Variants in ADAM12 observed in about 807,000 individuals in gnomAD.
ADAM12 encodes ADAM metallopeptidase domain 12, also known as disintegrin and metalloproteinase domain-containing protein 12.
Under a neutral mutation model 106.4 loss-of-function variants are expected in ADAM12, and 70 were observed. The ratio of observed to expected loss-of-function variants is 0.66; its 90% CI spans 0.54 to 0.80. ADAM12 has a LOEUF of 0.80. ADAM12 is among the 30% of genes least tolerant of loss of function. ADAM12 has a pLI of 0.00. For missense variants in ADAM12, 1,010 were observed against 1,171.9 expected (o/e 0.86, Z 2.02); for synonymous variants, 420 against 433.5 (o/e 0.97, Z 0.39).
chr10:126,358,186 A>AG (rs1198601376), intron 1 of ADAM12, among the ~76,000 whole-genome samples: 1 of 151,768 alleles, frequency 6.6e-6, no homozygotes, highest in Non-Finnish European at 1.5e-5. Flanking sequence ...CAAAAAAAAA[A>AG]AAAAAGTAAA....
chr10:126,269,500 A>G lies in ADAM12; in HGVS notation c.260+9415T>C, dbSNP rs933253210. On this transcript the variant is annotated intron_variant, in intron 3 of 22. Transcript: ENST00000448723. ...ACACAACAACTAGAAAAAATCCAGAAGAGACAGGCCATAACGACCCCAGCC... is the reference window on the plus strand; with the variant it reads ...ACACAACAACTAGAAAAAATCCAGAGGAGACAGGCCATAACGACCCCAGCC... Among the ~76,000 whole-genome samples, 8 of 152,336 alleles carry G rather than the reference A, an allele frequency of 5.3e-5. No homozygotes were observed. In the East Asian group the frequency reaches 1.5e-3, roughly 29 times the overall value.
At chr10:126,270,090 A>C (rs2133733158) in intron 3 of ADAM12, among the ~76,000 whole-genome samples, 1 of 152,362 alleles carries the variant, frequency 6.6e-6, no homozygotes, top group African/African-American at 2.4e-5. Flanking sequence ...ATTTTAACTT[A>C]AATCTGAAGG....
intron 4 of ADAM12, among the ~76,000 whole-genome samples, chr10:126,142,137 C>G (rs2133692545): frequency 6.6e-6 from 1 of 152,296 alleles, no homozygotes; most frequent in Non-Finnish European, 1.5e-5. Flanking sequence ...GTTTCTCTCT[C>G]TTTTAGAAAA....
At chr10:126,158,866 G>C (rs1404033335) in intron 3 of ADAM12, among the ~76,000 whole-genome samples, 1 of 121,272 alleles carries the variant, frequency 8.2e-6, no homozygotes, top group Non-Finnish European at 1.7e-5. Context: ...GGGAGGGTGC[G>C]CAGAGCATGG....
chr10:126,363,027 T>A (rs1032527195), intron 1 of ADAM12, among the ~76,000 whole-genome samples: 1 of 152,158 alleles, frequency 6.6e-6, no homozygotes, highest in Admixed American at 6.5e-5. Context: ...TATTTATAAA[T>A]CATAACATCA....
chr10:126,330,511 T>A lies in ADAM12; in HGVS notation c.89-2A>T. On this transcript the variant is annotated splice_acceptor_variant, in intron 1 of 22. Transcript: ENST00000448723. LOFTEE classifies it high-confidence loss of function. The stretch of plus-strand genomic sequence containing the variant: ...TTCCTTGGTTCCATAAGCTCACCCC[T>A]GAATCAAAAGGAAAACAGCCCTATA... 6.2e-7 allele frequency: 1 copy of A among 1,612,204 alleles called. No homozygotes were observed. The highest frequency in any genetic ancestry group is 8.5e-7 in the Non-Finnish European group (1 of 1,179,416).
intron 3 of ADAM12, among the ~76,000 whole-genome samples, chr10:126,204,279 T>C (rs1957756120): frequency 1.3e-5 from 2 of 152,194 alleles, no homozygotes; most frequent in Admixed American, 1.3e-4. Flanking sequence ...GGCTTCCCTT[T>C]CCCCTCCATT....
intron 21 of ADAM12, 63 bp from the exon 22 acceptor site, chr10:126,019,888 C>T (rs1252457132): frequency 4.0e-6 from 6 of 1,514,876 alleles, no homozygotes; most frequent in Non-Finnish European, 5.3e-6. Flanking sequence ...CCCTGAGAAG[C>T]AGGGCCTGCC....
intron 3 of ADAM12, among the ~76,000 whole-genome samples, chr10:126,172,388 C>T (rs1242169122): frequency 3.9e-5 from 6 of 151,936 alleles, no homozygotes; most frequent in Non-Finnish European, 7.4e-5. Context: ...AACAATGGCA[C>T]GGTGTGTTAT....
At chr10:126,017,656 G>C (rs1160562362) in intron 22 of ADAM12, among the ~76,000 whole-genome samples, 1 of 152,224 alleles carries the variant, frequency 6.6e-6, no homozygotes, top group Non-Finnish European at 1.5e-5. Context: ...AGTATACCTA[G>C]AGGATTATTT....
At chr10:126,386,130 C>T (rs1338337070) in intron 1 of ADAM12, among the ~76,000 whole-genome samples, 1 of 151,928 alleles carries the variant, frequency 6.6e-6, no homozygotes, top group Non-Finnish European at 1.5e-5. Flanking sequence ...CAGCACAAGG[C>T]ATGTGGAGAA....
intron 5 of ADAM12, among the ~76,000 whole-genome samples, chr10:126,119,808 C>T (rs1053292690): frequency 2.0e-5 from 3 of 152,192 alleles, no homozygotes; most frequent in African/African-American, 7.2e-5. Context: ...TAATGCTAGC[C>T]TTGGGCTGTC....
rs762644059 is a variant in ADAM12 at position 126,064,897 on chromosome 10, G to C, written c.1518C>G (p.His506Gln). 1 of 1,612,852 alleles carries C rather than the reference G, an allele frequency of 6.2e-7. No individual in the cohort carries two copies. The highest frequency in any genetic ancestry group is 2.2e-5 in the East Asian group (1 of 44,848). ...SPHCPANVYLHDGHSCQDVDG... is the reference protein window; with the variant it reads ...SPHCPANVYLQDGHSCQDVDG... ...CCACATCCTGACATGAGTGCCCATC[G>C]TGCAGGTACACGTTGGCTGGGCAGT... Residue 506 changes from histidine (H) to glutamine (Q), a missense_variant, in exon 14 of 23, where the codon CAC becomes CAG. Physicochemically the swap from His to Gln is conservative, Grantham distance 24. Coordinates refer to ENST00000448723, the MANE Select transcript of ADAM12 (RefSeq NM_001288973.2). The surrounding 1 kb of genome is among the most constrained non-coding windows in gnomAD (Gnocchi z 4.4).
At chr10:126,327,861 G>A (rs1424468671) in intron 2 of ADAM12, among the ~76,000 whole-genome samples, 1 of 152,146 alleles carries the variant, frequency 6.6e-6, no homozygotes, top group Non-Finnish European at 1.5e-5. Context: ...TACTTCCACA[G>A]TGAGTTCACA....
intron 1 of ADAM12, among the ~76,000 whole-genome samples, chr10:126,368,662 T>G (rs7908564): frequency 0.012 from 1,779 of 148,744 alleles, 45 homozygotes; most frequent in African/African-American, 0.041. Flanking sequence ...TGTTGTTGTT[T>G]TTTTTTGCCT....
intron 3 of ADAM12, among the ~76,000 whole-genome samples, chr10:126,252,145 G>A (rs1043773704): frequency 8.8e-6 from 1 of 113,920 alleles, no homozygotes; most frequent in Non-Finnish European, 1.9e-5. Flanking sequence ...CAGGATGGAT[G>A]GGTGGATGGA....
Position 126,155,309 on chromosome 10 carries a change from C to A in ADAM12, c.261-4G>T, listed in dbSNP as rs140629709. On this transcript the variant is annotated splice_polypyrimidine_tract_variant and splice_region_variant and intron_variant, in intron 3 of 22. Coordinates refer to ENST00000448723, the MANE Select transcript of ADAM12 (RefSeq NM_001288973.2). The stretch of plus-strand genomic sequence containing the variant: ...GAAACTGCTGGCAATGAGACCTCTG[C>A]GGAAAAACAAAAACACCATAAAAAG... 6.2e-7 allele frequency: 1 copy of A among 1,612,564 alleles called. No individual in the cohort carries two copies. The highest frequency in any genetic ancestry group is 1.1e-5 in the South Asian group (1 of 90,954).
Position 126,200,544 on chromosome 10 carries a change from T to G in ADAM12, c.261-45239A>C, listed in dbSNP as rs576780292. 7.6e-4 allele frequency among the ~76,000 whole-genome samples: 115 copies of G among 152,270 alleles called. 1 individual carries two copies. The highest frequency in any genetic ancestry group is 6.8e-3 in the Middle Eastern group (2 of 294). On this transcript the variant is annotated intron_variant, in intron 3 of 22. Transcript: ENST00000448723. Reference sequence around the variant, plus strand: ...GGCAAGGGATTTGCCTCCCTCAGCCTCAGCATCTTAATCGACAACACCACG... The same window carrying G: ...GGCAAGGGATTTGCCTCCCTCAGCCGCAGCATCTTAATCGACAACACCACG...
chr10:126,384,264 A>G (rs1021993501), intron 1 of ADAM12, among the ~76,000 whole-genome samples: 1 of 152,340 alleles, frequency 6.6e-6, no homozygotes, highest in South Asian at 2.1e-4. Flanking sequence ...ACGAGCTTGT[A>G]AAAATTGCTG....
Sources: gnomAD v4.1 joint callset for allele counts (sites outside exome capture counted in the v4.1 genomes callset) on GRCh38, gnomAD v4.1.1 for gene constraint, Gnocchi (gnomAD v3.1) non-coding constraint, MANE v1.5 for transcripts, NCBI Gene and HGNC (gene_info 2026-07-23, HGNC 2026-07-21) for gene names.